Variants in PEPD observed in about 807,000 individuals in gnomAD.
PEPD encodes peptidase D.
A neutral mutation model predicts 60.7 loss-of-function variants in PEPD; 53 were observed. That is an observed-to-expected ratio of 0.87 (90% CI 0.70 to 1.10). The LOEUF (loss-of-function observed/expected upper bound fraction) is 1.10, where lower values mean the gene tolerates loss of function less well. Ranked by LOEUF, PEPD falls within the 50% of genes least tolerant of loss-of-function variation. The probability of loss-of-function intolerance (pLI) is 0.00; values close to 1 mark genes in which losing one functional copy is unlikely to be tolerated. For synonymous variants in PEPD, 267 were observed against 284.1 expected (o/e 0.94, Z 0.60); for missense variants, 711 against 711.9 (o/e 1.00, Z 0.01).
chr19:33,435,277 C>T (rs1216863026), intron 9 of PEPD, among the ~76,000 whole-genome samples: 3 of 152,140 alleles, frequency 2.0e-5, no homozygotes, highest in Non-Finnish European at 4.4e-5. Context: ...CACAGGGAGC[C>T]TCAGCTGGGA....
At chr19:33,458,703 G>T (rs868647964) in intron 9 of PEPD, among the ~76,000 whole-genome samples, 162 of 141,042 alleles carry the variant, frequency 1.1e-3, no homozygotes, top group African/African-American at 3.9e-3. Flanking sequence ...GTGGTGTGTG[G>T]TATGTGGCAT....
chr19:33,486,687 C>G lies in PEPD; in HGVS notation c.503+3309G>C, dbSNP rs991802220. The stretch of plus-strand genomic sequence containing the variant: ...GGGGAGGTGGAGGGAGGTCTGAGAC[C>G]AAGGCTGAGCCCAAATGGGACAGAC... On this transcript the variant is annotated intron_variant, in intron 6 of 14. Coordinates refer to ENST00000244137, the MANE Select transcript of PEPD (RefSeq NM_000285.4). Among the ~76,000 whole-genome samples, 5 of 152,268 alleles carry G rather than the reference C, an allele frequency of 3.3e-5. No individual in the cohort carries two copies. In the East Asian group the frequency reaches 9.7e-4, roughly 30 times the overall value.
At position 33,504,591 on chromosome 19, in the gene PEPD, C is replaced by T. The variant is rs553362805; in HGVS notation, c.330-3590G>A. 3.3e-5 allele frequency among the ~76,000 whole-genome samples: 5 copies of T among 152,246 alleles called. No homozygotes were observed. The South Asian group carries it at 1.0e-3, about 32-fold the overall frequency. On this transcript the variant is annotated intron_variant, in intron 3 of 14. Coordinates refer to ENST00000244137, the MANE Select transcript of PEPD (RefSeq NM_000285.4). ...CCAGCCTGGCCAACATGGTAAAACC[C>T]TATCTCTACTAAAAATACAAAAAAA...
intron 6 of PEPD, among the ~76,000 whole-genome samples, chr19:33,486,652 G>A (rs757191901): frequency 3.1e-4 from 47 of 152,150 alleles, no homozygotes; most frequent in Non-Finnish European, 5.9e-4. Context: ...AGGCGGCCTG[G>A]CCCTGATCTG....
At chr19:33,431,907 C>T (rs1322188715) in intron 9 of PEPD, among the ~76,000 whole-genome samples, 1 of 147,630 alleles carries the variant, frequency 6.8e-6, no homozygotes, top group Non-Finnish European at 1.5e-5. Flanking sequence ...GCAGGAGAAT[C>T]GCTTGAACCT....
chr19:33,429,547 A>G (rs958995496), intron 9 of PEPD, among the ~76,000 whole-genome samples: 2 of 152,258 alleles, frequency 1.3e-5, no homozygotes, highest in Admixed American at 6.5e-5. Context: ...AGTGTTTGAA[A>G]TATTTCATAA....
chr19:33,400,897 G>A (rs1036154173), intron 12 of PEPD, among the ~76,000 whole-genome samples: 1 of 152,218 alleles, frequency 6.6e-6, no homozygotes, highest in Non-Finnish European at 1.5e-5. Flanking sequence ...GGGGTCACTC[G>A]GCAGGAGGCT....
chr19:33,479,705 G>C (rs1600148480), intron 6 of PEPD, among the ~76,000 whole-genome samples: 2 of 152,166 alleles, frequency 1.3e-5, no homozygotes, highest in African/African-American at 2.4e-5. Context: ...GTTTGCTGAG[G>C]ATAACAGCCT....
chr19:33,427,543 A>C (rs1167864841), intron 9 of PEPD, among the ~76,000 whole-genome samples: 1 of 152,236 alleles, frequency 6.6e-6, no homozygotes, highest in Non-Finnish European at 1.5e-5. Flanking sequence ...AAAATCCTCC[A>C]ATCGGAGGAT....
chr19:33,421,233 C>T (rs1473595618), intron 9 of PEPD, among the ~76,000 whole-genome samples: 5 of 152,148 alleles, frequency 3.3e-5, no homozygotes, highest in Admixed American at 1.3e-4. Context: ...TGCTGTGTCA[C>T]AGGGTTTTTG....
chr19:33,481,662 C>G (rs537532576), intron 6 of PEPD, among the ~76,000 whole-genome samples: 90 of 152,204 alleles, frequency 5.9e-4, no homozygotes, highest in African/African-American at 2.1e-3. Flanking sequence ...AAGCCCAGGA[C>G]CAAATGTCTT....
chr19:33,398,723 CTGGAT>C (rs1385724098), intron 12 of PEPD, among the ~76,000 whole-genome samples: 4 of 152,230 alleles, frequency 2.6e-5, no homozygotes, highest in African/African-American at 9.6e-5. Flanking sequence ...TTCGTGGAGG[CTGGAT>C]TGGATTTGAC....
intron 11 of PEPD, among the ~76,000 whole-genome samples, chr19:33,404,671 TA>T (rs1294392676): frequency 6.6e-6 from 1 of 152,194 alleles, no homozygotes. Flanking sequence ...TAGAAGACTG[TA>T]ACTGCATTTC....
chr19:33,507,798 GCT>G (rs1162573459), intron 3 of PEPD, among the ~76,000 whole-genome samples: 2 of 152,110 alleles, frequency 1.3e-5, no homozygotes, highest in Non-Finnish European at 2.9e-5. Context: ...CGCCACCACT[GCT>G]CTGTTACAAC....
At chr19:33,519,630 G>A (rs186218672) in intron 1 of PEPD, among the ~76,000 whole-genome samples, 174 of 152,292 alleles carry the variant, frequency 1.1e-3, no homozygotes, top group African/African-American at 4.0e-3. Flanking sequence ...ACCAGACTGG[G>A]ATGGCTCTTC....
chr19:33,489,044 G>C (rs531794444), intron 6 of PEPD, among the ~76,000 whole-genome samples: 1 of 152,224 alleles, frequency 6.6e-6, no homozygotes, highest in Non-Finnish European at 1.5e-5. Flanking sequence ...GCCAGTCCAG[G>C]GACCCAAGCA....
intron 7 of PEPD, among the ~76,000 whole-genome samples, chr19:33,467,082 A>G (rs1420163378): frequency 2.6e-4 from 40 of 151,452 alleles, no homozygotes; most frequent in East Asian, 1.6e-3. Flanking sequence ...GTGTGAACCC[A>G]GGAGGCGGAG....
At chr19:33,457,301 A>C (rs1969821340) in intron 9 of PEPD, among the ~76,000 whole-genome samples, 1 of 152,084 alleles carries the variant, frequency 6.6e-6, no homozygotes, top group Non-Finnish European at 1.5e-5. Flanking sequence ...CAAGGTAGTG[A>C]GCACCTGTGG....
intron 7 of PEPD, among the ~76,000 whole-genome samples, chr19:33,466,860 T>C (rs1970028241): frequency 6.6e-6 from 1 of 151,762 alleles, no homozygotes; most frequent in Non-Finnish European, 1.5e-5. Flanking sequence ...GGTGGTTATA[T>C]AAGAAAAACA....
Sources: allele counts gnomAD v4.1 joint callset (sites outside exome capture counted in the v4.1 genomes callset), GRCh38; gene constraint gnomAD v4.1.1; transcripts MANE v1.5; gene names NCBI Gene and HGNC (gene_info 2026-07-23, HGNC 2026-07-21).